Variants in WASHC2A observed in about 807,000 individuals in gnomAD.
The protein encoded by WASHC2A is WASH complex subunit FAM21A.
A neutral mutation model predicts 140.3 loss-of-function variants in WASHC2A; 82 were observed. The ratio of observed to expected loss-of-function variants is 0.58; its 90% CI spans 0.49 to 0.70. WASHC2A has a LOEUF of 0.70. Ranked by LOEUF, WASHC2A falls within the 30% of genes least tolerant of loss-of-function variation. The pLI, the probability that WASHC2A is intolerant of heterozygous loss-of-function variation, is 0.00. For synonymous variants in WASHC2A, 340 were observed against 560.8 expected (o/e 0.61, Z 5.56); for missense variants, 985 against 1,521.8 (o/e 0.65, Z 5.87).
intron 3 of WASHC2A, among the ~76,000 whole-genome samples, chr10:50,076,491 A>T (rs1460287306): frequency 6.6e-6 from 1 of 152,216 alleles, no homozygotes; most frequent in African/African-American, 2.4e-5. Flanking sequence ...GTTTGATCAG[A>T]TTGGCAGATA....
At chr10:50,101,648 A>G (rs1841191041) in intron 17 of WASHC2A, among the ~76,000 whole-genome samples, 1 of 152,276 alleles carries the variant, frequency 6.6e-6, no homozygotes, top group African/African-American at 2.4e-5. Context: ...GAACAATTTC[A>G]GTGACTTACG....
rs1173436223 is a variant in WASHC2A at position 50,133,093 on chromosome 10, G to A, written c.*148G>A. On this transcript the variant is annotated 3_prime_UTR_variant, in exon 31 of 31. Coordinates refer to ENST00000282633, the MANE Select transcript of WASHC2A (RefSeq NM_001005751.3). ...CACCCAATGTACTTGGTATTTTTCTGCACTGGTTTAATCATGCTTAATACT... is the reference window on the plus strand; with the variant it reads ...CACCCAATGTACTTGGTATTTTTCTACACTGGTTTAATCATGCTTAATACT... 39 of 1,476,490 alleles carry A rather than the reference G, an allele frequency of 2.6e-5. 1 individual carries two copies. Among genetic ancestry groups the A allele is most frequent in the Middle Eastern group, 5.1e-4 (2 of 3,938 alleles). 91.5% of individuals were successfully genotyped at this position (1,476,490 alleles called of 1,614,324 possible). A position where few individuals can be genotyped will look rare whatever the true frequency, so the allele number is the denominator to read the frequency against.
chr10:50,076,823 A>G (rs1177273001), intron 3 of WASHC2A, among the ~76,000 whole-genome samples: 1 of 151,698 alleles, frequency 6.6e-6, no homozygotes, highest in Non-Finnish European at 1.5e-5. Flanking sequence ...TACTAAAAAA[A>G]AAAAAAAATG....
intron 4 of WASHC2A, 91 bp downstream of exon 4, chr10:50,078,828 G>A: frequency 4.3e-6 from 7 of 1,611,686 alleles, no homozygotes; most frequent in South Asian, 1.1e-5. Flanking sequence ...GGGATGGTGG[G>A]CGGGGTTGGG....
At position 50,091,608 on chromosome 10, in the gene WASHC2A, A is replaced by G. The variant is rs1429912432; in HGVS notation, c.931+90A>G. ...CCAAAGGCGGATTTCTCTTTTTATT[A>G]GTAATTACTACATATATTTATTAGT... On this transcript the variant is annotated intron_variant, in intron 10 of 30. Coordinates refer to ENST00000282633, the MANE Select transcript of WASHC2A (RefSeq NM_001005751.3). 9.6e-5 allele frequency: 108 copies of G among 1,126,916 alleles called. No individual in the cohort carries two copies. In the African/African-American group the frequency reaches 1.4e-3, roughly 15 times the overall value. The allele number at this position is 1,126,916 out of a possible 1,614,324, so 69.8% of individuals were successfully genotyped here. A position where few individuals can be genotyped will look rare whatever the true frequency, so the allele number is the denominator to read the frequency against.
At chr10:50,077,238 G>C (rs1316418031) in intron 3 of WASHC2A, among the ~76,000 whole-genome samples, 2 of 152,100 alleles carry the variant, frequency 1.3e-5, no homozygotes, top group East Asian at 3.8e-4. Flanking sequence ...AGGTTGCAGT[G>C]AGCCAAGATC....
intron 17 of WASHC2A, among the ~76,000 whole-genome samples, chr10:50,101,813 T>G (rs1841214453): frequency 2.1e-5 from 3 of 145,880 alleles, no homozygotes; most frequent in Admixed American, 6.9e-5. Flanking sequence ...GTGGCTGGGC[T>G]GAGGATCACC....
intron 3 of WASHC2A, among the ~76,000 whole-genome samples, chr10:50,076,279 C>T (rs564978695): frequency 6.6e-6 from 1 of 152,314 alleles, no homozygotes; most frequent in East Asian, 1.9e-4. Context: ...GCACGATTAT[C>T]TTACTATATT....
At chr10:50,088,115 G>A (rs2132511696) in intron 8 of WASHC2A, among the ~76,000 whole-genome samples, 1 of 151,680 alleles carries the variant, frequency 6.6e-6, no homozygotes, top group Admixed American at 6.6e-5. Context: ...CACCATGCCT[G>A]GCCTCCTTAT....
In WASHC2A at chr10:50,094,713, C is replaced by T. The variant is rs1191512108; in HGVS notation, c.1181-435C>T. Among the ~76,000 whole-genome samples, 759 of 151,490 alleles carry T rather than the reference C, an allele frequency of 5.0e-3. 6 individuals are homozygous for T. The highest frequency in any genetic ancestry group is 8.0e-3 in the Non-Finnish European group (540 of 67,812). ...GGCATCAGTGACTTGCTTGGTTTCC[C>T]CCTTTGCTCTTATGTCTTTATTTTT... On this transcript the variant is annotated intron_variant, in intron 13 of 30. Transcript: ENST00000282633.
rs1425218689 is a variant in WASHC2A at position 50,127,057 on chromosome 10, G to C, written c.2812-103G>C. 3.9e-5 allele frequency: 51 copies of C among 1,312,038 alleles called. 1 individual carries two copies. Among genetic ancestry groups the C allele is most frequent in the Non-Finnish European group, 5.3e-5 (48 of 906,614 alleles). The allele number at this position is 1,312,038 out of a possible 1,614,324, so 81.3% of individuals were successfully genotyped here. On this transcript the variant is annotated intron_variant, in intron 26 of 30. Transcript: ENST00000282633. ...ATGCCTTTCCCATTAAAGAGCTACA[G>C]AAAGTGACAGTTTTGCTCCATCACA...
intron 25 of WASHC2A, 121 bp downstream of exon 25, chr10:50,125,570 A>G (rs1397387659): frequency 3.7e-6 from 6 of 1,601,376 alleles, no homozygotes; most frequent in African/African-American, 1.3e-5. Context: ...TACTAAATGA[A>G]TGGCAAATAA....
At position 50,127,754 on chromosome 10, in the gene WASHC2A, G is replaced by A; in HGVS notation, c.3046G>A (p.Asp1016Asn). The part of the protein sequence containing the change: ...PGSGEAGVSF[D>N]LPAQADTLHS... ...GAGTGGGGAGGCCGGTGTGAGTTTT[G>A]ATCTTCCAGCTCAGGCAGACACCTT... The change falls in exon 28 of 31, where the codon GAT becomes AAT. Residue 1016 changes from aspartate to asparagine, a missense_variant. Transcript: ENST00000282633. 2 of 1,549,780 alleles carry A rather than the reference G, an allele frequency of 1.3e-6. No homozygotes were observed. The highest frequency in any genetic ancestry group is 1.8e-6 in the Non-Finnish European group (2 of 1,142,420).
At chr10:50,127,482 G>T (rs1034110797) in intron 27 of WASHC2A, 101 bp from the exon 28 acceptor site, 16 of 1,611,344 alleles carry the variant, frequency 9.9e-6, no homozygotes, top group African/African-American at 1.3e-5. Context: ...TACTCCTCTC[G>T]TATTATACAT....
At position 50,091,512 on chromosome 10, in the gene WASHC2A, C is replaced by A; in HGVS notation, c.925C>A (p.Pro309Thr). 2.6e-6 allele frequency: 4 copies of A among 1,549,830 alleles called. No individual in the cohort carries two copies. The highest frequency in any genetic ancestry group is 3.5e-6 in the Non-Finnish European group (4 of 1,146,898). ...GDAVGRVDEE[P>T]TTLPSGEAKP... ...TGCCGTGGGTCGAGTGGACGAGGAGCCGACAAGTGAGCCCCAGCCGCGTTG... is the reference window on the plus strand; with the variant it reads ...TGCCGTGGGTCGAGTGGACGAGGAGACGACAAGTGAGCCCCAGCCGCGTTG... The change falls in exon 10 of 31, where the codon CCG (proline) becomes ACG (threonine). Residue 309 changes from proline to threonine, a missense_variant. By Grantham distance (38) the Pro-to-Thr change is conservative. Coordinates refer to ENST00000282633, the MANE Select transcript of WASHC2A (RefSeq NM_001005751.3).
intron 25 of WASHC2A, among the ~76,000 whole-genome samples, chr10:50,125,727 A>C (rs1194116042): frequency 6.6e-6 from 1 of 152,206 alleles, no homozygotes; most frequent in Non-Finnish European, 1.5e-5. Context: ...GGTTGATTGA[A>C]AGACCATTGC....
At chr10:50,129,055 T>C (rs1843693558) in intron 28 of WASHC2A, among the ~76,000 whole-genome samples, 1 of 152,126 alleles carries the variant, frequency 6.6e-6, no homozygotes, top group Non-Finnish European at 1.5e-5. Flanking sequence ...TACCCACGTT[T>C]CTATTGAGGG....
chr10:50,090,223 C>T (rs1363963278), intron 8 of WASHC2A, among the ~76,000 whole-genome samples: 6 of 148,402 alleles, frequency 4.0e-5, no homozygotes, highest in South Asian at 2.2e-4. Context: ...ATTTTTAGGC[C>T]GGGCTTGGTG....
intron 20 of WASHC2A, among the ~76,000 whole-genome samples, chr10:50,110,875 G>T (rs1469249502): frequency 7.3e-6 from 1 of 137,884 alleles, no homozygotes; most frequent in Non-Finnish European, 1.5e-5. Flanking sequence ...CCTGGGCAAC[G>T]GAGCAAGACT....
Sources: allele counts gnomAD v4.1 joint callset (sites outside exome capture counted in the v4.1 genomes callset), GRCh38; gene constraint gnomAD v4.1.1; transcripts MANE v1.5; gene names NCBI Gene and HGNC (gene_info 2026-07-23, HGNC 2026-07-21).